The following ALG9 variants were observed in gnomAD, a reference collection of about 807,000 sequenced individuals.
ALG9 encodes the protein alpha-1,2-mannosyltransferase ALG9.
Under a neutral mutation model 81.8 loss-of-function variants are expected in ALG9, and 55 were observed. The observed-to-expected ratio is 0.67, with a 90% confidence interval of 0.54 to 0.84. The LOEUF (loss-of-function observed/expected upper bound fraction) is 0.84, where lower values mean the gene tolerates loss of function less well. Ranked by LOEUF, ALG9 falls within the 40% of genes least tolerant of loss-of-function variation. The pLI, the probability that ALG9 is intolerant of heterozygous loss-of-function variation, is 0.00. For synonymous variants in ALG9, 278 were observed against 274.3 expected (o/e 1.01, Z -0.13); for missense variants, 629 against 745.0 (o/e 0.84, Z 1.81).
downstream of ALG9, among the ~76,000 whole-genome samples, chr11:111,780,105 A>G (rs146471508): frequency 6.6e-6 from 1 of 152,160 alleles, no homozygotes; most frequent in Non-Finnish European, 1.5e-5. Context: ...CTAGCAGGAC[A>G]TGTAGCTGGT....
the ALG9 span, among the ~76,000 whole-genome samples, chr11:111,775,348 C>A: frequency 6.6e-6 from 1 of 152,152 alleles, no homozygotes; most frequent in Non-Finnish European, 1.5e-5. Flanking sequence ...GTGCCAAGAT[C>A]CCCTGGACAC....
chr11:111,795,280 G>A (rs1555074279), intron 14 of ALG9, among the ~76,000 whole-genome samples: 1 of 152,080 alleles, frequency 6.6e-6, no homozygotes, highest in African/African-American at 2.4e-5. Context: ...CAAGGAAAAG[G>A]AAATATCAAA....
chr11:111,864,076 C>T (rs1961376883), intron 4 of ALG9, among the ~76,000 whole-genome samples: 1 of 152,138 alleles, frequency 6.6e-6, no homozygotes, highest in Non-Finnish European at 1.5e-5. Context: ...TCTCAGAAAT[C>T]ACCACTAAAG....
chr11:111,772,217 GGAGTTT>G, the ALG9 span, among the ~76,000 whole-genome samples: 527 of 152,330 alleles, frequency 3.5e-3, 5 homozygotes, highest in Middle Eastern at 0.024. Flanking sequence ...CTGGAGCTCA[GGAGTTT>G]GAGACCAGCC....
chr11:111,773,246 T>A, the ALG9 span, among the ~76,000 whole-genome samples: 1 of 149,704 alleles, frequency 6.7e-6, no homozygotes, highest in Admixed American at 6.7e-5. Flanking sequence ...CAATGGTAGA[T>A]TTTTTTTTTG....
chr11:111,794,557 T>G (rs1184632217), intron 14 of ALG9, among the ~76,000 whole-genome samples: 2 of 152,200 alleles, frequency 1.3e-5, no homozygotes, highest in Non-Finnish European at 2.9e-5. Flanking sequence ...ATAGTGGGAC[T>G]GCAGGCATGA....
chr11:111,864,158 A>T, intron 4 of ALG9: 1 of 532,734 alleles, frequency 1.9e-6, no homozygotes, highest in Non-Finnish European at 3.4e-6. Context: ...AAAAAGAAAA[A>T]GAAGAGAACA....
At chr11:111,797,390 G>A (rs1948456778) in intron 14 of ALG9, among the ~76,000 whole-genome samples, 1 of 152,228 alleles carries the variant, frequency 6.6e-6, no homozygotes, top group African/African-American at 2.4e-5. Flanking sequence ...CTAGCCAAGA[G>A]CCAGCATCCA....
At chr11:111,865,279 G>C (rs1555151806) in intron 3 of ALG9, 28 bp from the exon 4 acceptor site, 3 of 1,526,088 alleles carry the variant, frequency 2.0e-6, no homozygotes, top group Middle Eastern at 1.7e-4. Flanking sequence ...AAAGAAAACA[G>C]AAGTCACAGA....
intron 14 of ALG9, among the ~76,000 whole-genome samples, chr11:111,787,964 C>T (rs550036450): frequency 1.6e-4 from 24 of 152,086 alleles, no homozygotes; most frequent in Non-Finnish European, 3.4e-4. Flanking sequence ...TATGGTTTAT[C>T]ATGCATCCCA....
chr11:111,864,816 C>T (rs1961730260), intron 4 of ALG9, among the ~76,000 whole-genome samples: 3 of 151,478 alleles, frequency 2.0e-5, no homozygotes, highest in African/African-American at 7.3e-5. Context: ...TTGCTCTTAT[C>T]GCCCAGGCTG....
intron 13 of ALG9, among the ~76,000 whole-genome samples, chr11:111,819,910 C>T (rs1182640842): frequency 6.6e-6 from 1 of 152,206 alleles, no homozygotes; most frequent in Non-Finnish European, 1.5e-5. Context: ...ACCAGCCACA[C>T]CAGGATGCTG....
In ALG9 at chr11:111,822,931, G is replaced by A. The variant is rs1952665976; in HGVS notation, c.1603-13158C>T. On this transcript the variant is annotated intron_variant, in intron 13 of 14. Transcript: ENST00000616540. ...CCCAGCTACTCAGGAGGCTGAGGCG[G>A]GAGAATCGCTTGAACCCGGGAGGCG... 2.0e-5 allele frequency among the ~76,000 whole-genome samples: 3 copies of A among 152,060 alleles called. No homozygotes were observed. In the South Asian group the frequency reaches 6.2e-4, roughly 32 times the overall value.
chr11:111,794,830 T>A (rs1051566320), intron 14 of ALG9, among the ~76,000 whole-genome samples: 1 of 152,226 alleles, frequency 6.6e-6, no homozygotes, highest in South Asian at 2.1e-4. Context: ...TTCTACAACC[T>A]TTAGTGCAGA....
At chr11:111,861,510 C>T (rs1249851547) in intron 4 of ALG9, among the ~76,000 whole-genome samples, 4 of 152,140 alleles carry the variant, frequency 2.6e-5, no homozygotes, top group Admixed American at 6.5e-5. Flanking sequence ...TACTCTCTGT[C>T]GCTCAGGCTG....
At chr11:111,771,476 A>ACTTGCGTCT in the ALG9 span, 6 of 152,224 alleles carry the variant, frequency 3.9e-5, no homozygotes, top group Non-Finnish European at 5.9e-5. Flanking sequence ...AGTTTACTAA[A>ACTTGCGTCT]CTTGCGTCTC....
chr11:111,802,409 CTGAG>C (rs2136328778), intron 14 of ALG9, among the ~76,000 whole-genome samples: 1 of 152,266 alleles, frequency 6.6e-6, no homozygotes, highest in East Asian at 1.9e-4. Context: ...CAAAAACAGG[CTGAG>C]TGAAAGAAGC....
chr11:111,794,772 C>T (rs1248445922), intron 14 of ALG9, among the ~76,000 whole-genome samples: 1 of 152,206 alleles, frequency 6.6e-6, no homozygotes, highest in Non-Finnish European at 1.5e-5. Context: ...CTTTTTCAAG[C>T]TAGTTTCTTT....
chr11:111,865,915 TA>T (rs1450764693), intron 3 of ALG9, among the ~76,000 whole-genome samples: 1 of 152,180 alleles, frequency 6.6e-6, no homozygotes, highest in Non-Finnish European at 1.5e-5. Context: ...AATAATAAAA[TA>T]GGGGTTATAT....
Sources: gnomAD v4.1 joint callset for allele counts (sites outside exome capture counted in the v4.1 genomes callset) on GRCh38, gnomAD v4.1.1 for gene constraint, MANE v1.5 for transcripts, NCBI Gene and HGNC (gene_info 2026-07-23, HGNC 2026-07-21) for gene names.